SVEP1: variants seen among roughly 807,000 people sequenced by gnomAD.
The protein encoded by SVEP1 is sushi, von Willebrand factor type A, EGF and pentraxin domain-containing protein 1.
Under a neutral mutation model 367.3 loss-of-function variants are expected in SVEP1, and 164 were observed. That is an observed-to-expected ratio of 0.45 (90% confidence interval 0.39 to 0.51). The LOEUF (loss-of-function observed/expected upper bound fraction) is 0.51. Ranked by LOEUF, SVEP1 falls within the 20% of genes least tolerant of loss-of-function variation. The probability of loss-of-function intolerance (pLI) is 0.00; values close to 1 mark genes in which losing one functional copy is unlikely to be tolerated. For missense variants in SVEP1, 4,117 were observed against 4,425.3 expected (o/e 0.93, Z 1.98); for synonymous variants, 1,666 against 1,611.6 (o/e 1.03, Z -0.81).
chr9:110,404,693 C>T lies in SVEP1; in HGVS notation c.9441-141G>A, dbSNP rs538304153. ...ATTGTTGCACAATCAATATGTCAGG[C>T]GGATGGCATTGCCATGCAAAAACAC... is the stretch of plus-strand genomic sequence containing the variant. On this transcript the variant is annotated intron_variant, in intron 38 of 47. Transcript: ENST00000374469. The T allele has an allele frequency of 1.0e-4, 79 of 791,526 alleles. 1 individual carries two copies. The highest frequency in any genetic ancestry group is 4.1e-4 in the South Asian group (25 of 60,776). 49.0% of individuals were successfully genotyped at this position (791,526 alleles called of 1,614,324 possible).
chr9:110,448,129 A>ATGTGTGTG (rs143871165), intron 24 of SVEP1, among the ~76,000 whole-genome samples: 3 of 142,864 alleles, frequency 2.1e-5, no homozygotes, highest in African/African-American at 5.2e-5. Context: ...AAGAAAGTGA[A>ATGTGTGTG]TGTGTGTGTG....
At chr9:110,453,112 T>C (rs956252563) in intron 22 of SVEP1, among the ~76,000 whole-genome samples, 3 of 152,178 alleles carry the variant, frequency 2.0e-5, no homozygotes, top group Non-Finnish European at 4.4e-5. Context: ...TAGAATCTGG[T>C]TCCTTTGAAA....
rs919742917 is a variant in SVEP1 at position 110,404,618 on chromosome 9, G to C, written c.9441-66C>G. The C allele has an allele frequency of 4.1e-6, 6 of 1,446,944 alleles. No homozygotes were observed. The African/African-American group carries it at 8.4e-5, about 20-fold the overall frequency. The allele number at this position is 1,446,944 out of a possible 1,614,324, so 89.6% of individuals were successfully genotyped here. ...CAATATAGTTTCTGATCTATCCTTG[G>C]ATTTAGGAAGCTGTTACAAGGCTCA... On this transcript the variant is annotated intron_variant, in intron 38 of 47. Transcript: ENST00000374469.
At chr9:110,397,544 A>T (rs2118987926) in intron 40 of SVEP1, among the ~76,000 whole-genome samples, 1 of 152,300 alleles carries the variant, frequency 6.6e-6, no homozygotes, top group South Asian at 2.1e-4. Flanking sequence ...GGAAAAGAGG[A>T]AGTCAAATTG....
At chr9:110,395,126 G>A (rs1382456827) in intron 40 of SVEP1, among the ~76,000 whole-genome samples, 1 of 152,212 alleles carries the variant, frequency 6.6e-6, no homozygotes, top group Non-Finnish European at 1.5e-5. Context: ...CCCACAAAGG[G>A]AAGCCCAGCA....
At position 110,416,950 on chromosome 9, in the gene SVEP1, A is replaced by T. The variant is rs182800928; in HGVS notation, c.5976-5215T>A. On this transcript the variant is annotated intron_variant, in intron 36 of 47. Coordinates refer to ENST00000374469, the MANE Select transcript of SVEP1 (RefSeq NM_153366.4). ...TCTTCCCCCCAGTTGTGACAACCAA[A>T]AATGTCTCCAGACATTGCCAGATGT... Among the ~76,000 whole-genome samples the T allele has an allele frequency of 2.7e-4, 41 of 152,180 alleles. 1 individual carries two copies. Among genetic ancestry groups the T allele is most frequent in the African/African-American group, 6.8e-4 (28 of 41,416 alleles).
chr9:110,409,518 G>C lies in SVEP1; in HGVS notation c.6649-567C>G, dbSNP rs149987426. On this transcript the variant is annotated intron_variant, in intron 37 of 47. Coordinates refer to ENST00000374469, the MANE Select transcript of SVEP1 (RefSeq NM_153366.4). ...AGTTTTGAGCCCATAACAAGTAAAA[G>C]ATCAGTAATCTATATATTGATTGGT... 2.6e-3 allele frequency among the ~76,000 whole-genome samples: 396 copies of C among 152,286 alleles called. 3 individuals are homozygous for C. The highest frequency in any genetic ancestry group is 8.7e-3 in the African/African-American group (362 of 41,564).
intron 31 of SVEP1, 138 bp downstream of exon 31, chr9:110,432,324 T>C: frequency 1.7e-6 from 2 of 1,145,612 alleles, no homozygotes; most frequent in African/African-American, 3.1e-5. Context: ...AGCTGCTTTG[T>C]CACTATGGCT....
rs1231371076 is a variant in SVEP1, at chr9:110,406,264, C to T, written c.9336G>A (p.Gln3112=). ...ACAAGGGCTCACAGACTGGATAAGG[C>T]TGGCTCCATACCCCTTTCTCTGTAC... ...LICTEKGVWS[Q]PYPVCEPLSC... is the part of the protein sequence containing the mutation. Residue 3112 remains glutamine, a synonymous_variant, in exon 38 of 48, where the codon CAG becomes CAA. Transcript: ENST00000374469. 3.7e-6 allele frequency: 6 copies of T among 1,613,938 alleles called. No homozygotes were observed. The highest frequency in any genetic ancestry group is 1.3e-5 in the African/African-American group (1 of 74,954).
chr9:110,390,078 CGTGT>C (rs1323580156), intron 40 of SVEP1, among the ~76,000 whole-genome samples: 2 of 97,110 alleles, frequency 2.1e-5, no homozygotes, highest in Non-Finnish European at 4.2e-5. Flanking sequence ...TATATATATA[CGTGT>C]ATATATACAC....
At chr9:110,576,418 T>C (rs1830627682) in intron 1 of SVEP1, among the ~76,000 whole-genome samples, 1 of 152,164 alleles carries the variant, frequency 6.6e-6, no homozygotes, top group Admixed American at 6.5e-5. Flanking sequence ...AAACATAATT[T>C]AGGCATAATA....
intron 9 of SVEP1, among the ~76,000 whole-genome samples, chr9:110,484,326 G>C (rs1213145583): frequency 6.6e-6 from 1 of 152,118 alleles, no homozygotes; most frequent in Non-Finnish European, 1.5e-5. Context: ...GGAAAGGAGA[G>C]AGAGTATGAA....
intron 36 of SVEP1, among the ~76,000 whole-genome samples, chr9:110,426,800 C>T (rs559938467): frequency 5.3e-5 from 8 of 152,134 alleles, no homozygotes; most frequent in Non-Finnish European, 7.4e-5. Flanking sequence ...TCAAATGAGA[C>T]AATGAGTCTG....
intron 1 of SVEP1, among the ~76,000 whole-genome samples, chr9:110,559,888 A>G (rs762459758): frequency 5.9e-5 from 9 of 152,162 alleles, no homozygotes; most frequent in Non-Finnish European, 1.2e-4. Context: ...ATTATTGAAC[A>G]CTATTAAATT....
chr9:110,562,561 A>G (rs1269258205), intron 1 of SVEP1, among the ~76,000 whole-genome samples: 2 of 152,232 alleles, frequency 1.3e-5, no homozygotes, highest in African/African-American at 4.8e-5. Flanking sequence ...CAAACAAATT[A>G]GGGAAAGAAC....
At chr9:110,366,823 A>G (rs772618065) in intron 47 of SVEP1, among the ~76,000 whole-genome samples, 10 of 152,174 alleles carry the variant, frequency 6.6e-5, no homozygotes, top group Non-Finnish European at 1.5e-4. Flanking sequence ...CTATCTTACA[A>G]TTCTCTCTTC....
chr9:110,547,606 A>G (rs1830236149), intron 2 of SVEP1, among the ~76,000 whole-genome samples: 1 of 152,064 alleles, frequency 6.6e-6, no homozygotes, highest in Admixed American at 6.6e-5. Context: ...GAAAAGACAA[A>G]CATAGCTGTC....
At chr9:110,490,095 A>T (rs969382107) in intron 8 of SVEP1, among the ~76,000 whole-genome samples, 3 of 152,190 alleles carry the variant, frequency 2.0e-5, no homozygotes, top group African/African-American at 7.2e-5. Flanking sequence ...AATATAAGAT[A>T]ATTTAAGAAA....
chr9:110,375,122 A>C (rs529732302), intron 46 of SVEP1, among the ~76,000 whole-genome samples: 3 of 152,296 alleles, frequency 2.0e-5, no homozygotes, highest in Admixed American at 2.0e-4. Context: ...AGCAGATGAC[A>C]TAAAGAAGAC....
Sources: gnomAD v4.1 joint callset for allele counts (sites outside exome capture counted in the v4.1 genomes callset) on GRCh38, gnomAD v4.1.1 for gene constraint, MANE v1.5 for transcripts, NCBI Gene and HGNC (gene_info 2026-07-23, HGNC 2026-07-21) for gene names.